Variants in ZFP1 observed in about 807,000 individuals in gnomAD.
The protein encoded by ZFP1 is ZFP1 zinc finger protein.
A neutral mutation model predicts 38.5 loss-of-function variants in ZFP1; 32 were observed. The observed-to-expected ratio is 0.83, with a 90% CI of 0.63 to 1.12. ZFP1 has a LOEUF of 1.12. Ranked by LOEUF, ZFP1 falls within the 50% of genes most tolerant of loss-of-function variation. The pLI is 0.00. For missense variants in ZFP1, 616 were observed against 480.8 expected (o/e 1.28, Z -2.63); for synonymous variants, 245 against 168.8 (o/e 1.45, Z -3.50).
At chr16:75,150,813 G>A (rs569315743) in intron 1 of ZFP1, among the ~76,000 whole-genome samples, 2 of 152,162 alleles carry the variant, frequency 1.3e-5, no homozygotes, top group Admixed American at 1.3e-4. Flanking sequence ...GCTGTTGATC[G>A]TAGAATCTTC....
chr16:75,165,699 G>A (rs1342310750), intron 2 of ZFP1, among the ~76,000 whole-genome samples: 1 of 151,988 alleles, frequency 6.6e-6, no homozygotes, highest in African/African-American at 2.4e-5. Context: ...TTTTAAATCA[G>A]TTTTGTTATA....
chr16:75,166,089 G>A lies in ZFP1; in HGVS notation c.16-681G>A, dbSNP rs543036975. Among the ~76,000 whole-genome samples, 5 of 152,264 alleles carry A rather than the reference G, an allele frequency of 3.3e-5. No homozygotes were observed. The South Asian group carries it at 1.0e-3, about 32-fold the overall frequency. ...ACTTGTACCTGGTATTTTACAGTTG[G>A]AAGTTCATCTTCTGCCTTAAAGAGT... On this transcript the variant is annotated intron_variant, in intron 2 of 3. Coordinates refer to ENST00000570010, the MANE Select transcript of ZFP1 (RefSeq NM_153688.4).
intron 2 of ZFP1, among the ~76,000 whole-genome samples, chr16:75,165,881 G>C (rs1241550321): frequency 6.6e-6 from 1 of 152,002 alleles, no homozygotes; most frequent in East Asian, 1.9e-4. Context: ...TTTTTAGCTT[G>C]TCCCACATAT....
intron 2 of ZFP1, among the ~76,000 whole-genome samples, chr16:75,166,272 G>T (rs148168766): frequency 5.8e-4 from 88 of 152,260 alleles, no homozygotes; most frequent in African/African-American, 2.1e-3. Flanking sequence ...TTACTCTGTT[G>T]CCCAGGCTGG....
chr16:75,156,106 A>G (rs1296922293), intron 2 of ZFP1, among the ~76,000 whole-genome samples: 1 of 152,188 alleles, frequency 6.6e-6, no homozygotes, highest in African/African-American at 2.4e-5. Context: ...ACTGGGAGCA[A>G]TGTGGCAACA....
intron 2 of ZFP1, among the ~76,000 whole-genome samples, chr16:75,154,096 C>T (rs536560696): frequency 3.5e-4 from 53 of 151,996 alleles, no homozygotes; most frequent in Non-Finnish European, 6.5e-4. Flanking sequence ...TGGTGGCGGG[C>T]GCCTGTAGTC....
At chr16:75,151,707 A>G (rs1382681662) in intron 1 of ZFP1, among the ~76,000 whole-genome samples, 1 of 152,196 alleles carries the variant, frequency 6.6e-6, no homozygotes, top group East Asian at 1.9e-4. Context: ...TTTGCTTTAG[A>G]TAATCTTTCA....
intron 2 of ZFP1, among the ~76,000 whole-genome samples, chr16:75,165,814 C>T (rs2038045570): frequency 6.6e-6 from 1 of 151,820 alleles, no homozygotes; most frequent in Non-Finnish European, 1.5e-5. Flanking sequence ...GCTGTTATCT[C>T]TTCAAATATT....
rs890122092 is a variant in ZFP1, at chr16:75,171,595, G to T, written c.*1261G>T. 6.6e-5 allele frequency: 10 copies of T among 152,110 alleles called. No homozygotes were observed. The highest frequency in any genetic ancestry group is 2.2e-4 in the African/African-American group (9 of 41,422). 9.4% of individuals were successfully genotyped at this position (152,110 alleles called of 1,614,324 possible). A position where few individuals can be genotyped will look rare whatever the true frequency, so the allele number is the denominator to read the frequency against. On this transcript the variant is annotated 3_prime_UTR_variant, in exon 4 of 4. Coordinates refer to ENST00000570010, the MANE Select transcript of ZFP1 (RefSeq NM_153688.4). ...GAATTGTTGTGTAACTCAAAGATTT[G>T]CTTTTATAGACTTGATTTCAAATTC...
At position 75,170,379 on chromosome 16, in the gene ZFP1, T is replaced by G. The variant is rs766120262; in HGVS notation, c.*45T>G. ...TGTGGAAAACTCCTGCCAGAACTCT[T>G]CAAGCGGGTGAAAAACCTCATGACA... On this transcript the variant is annotated 3_prime_UTR_variant, in exon 4 of 4. Transcript: ENST00000570010. The G allele has an allele frequency of 7.3e-6, 11 of 1,511,378 alleles. No individual in the cohort carries two copies. The Admixed American group carries it at 2.0e-4, about 28-fold the overall frequency. 93.6% of individuals were successfully genotyped at this position (1,511,378 alleles called of 1,614,324 possible).
intron 1 of ZFP1, among the ~76,000 whole-genome samples, chr16:75,151,336 T>C (rs1025229081): frequency 6.6e-6 from 1 of 152,238 alleles, no homozygotes; most frequent in African/African-American, 2.4e-5. Context: ...TTGGTGTGTT[T>C]ATGCCAATTA....
At chr16:75,129,677 C>T in the ZFP1 span, among the ~76,000 whole-genome samples, 1 of 152,180 alleles carries the variant, frequency 6.6e-6, no homozygotes, top group African/African-American at 2.4e-5. Context: ...TCTCATGTTT[C>T]CCTAAAATGT....
At chr16:75,150,233 G>C (rs974187994) in intron 1 of ZFP1, among the ~76,000 whole-genome samples, 12 of 134,734 alleles carry the variant, frequency 8.9e-5, no homozygotes, top group Admixed American at 1.6e-4. Context: ...TTTTGAGACA[G>C]AGTCTCGCTC....
intron 2 of ZFP1, among the ~76,000 whole-genome samples, chr16:75,164,862 A>G (rs1019848876): frequency 1.3e-5 from 2 of 152,046 alleles, no homozygotes; most frequent in Non-Finnish European, 2.9e-5. Context: ...ATGGAGTGCA[A>G]TGGCACGATC....
At position 75,166,897 on chromosome 16, in the gene ZFP1, G is replaced by A. The variant is rs2038118786; in HGVS notation, c.142+1G>A. The A allele has an allele frequency of 6.2e-7, 1 of 1,613,198 alleles. No individual in the cohort carries two copies. Among genetic ancestry groups the A allele is most frequent in the Non-Finnish European group, 8.5e-7 (1 of 1,179,296 alleles). On this transcript the variant is annotated splice_donor_variant, in intron 3 of 3. Coordinates refer to ENST00000570010, the MANE Select transcript of ZFP1 (RefSeq NM_153688.4). LOFTEE classifies it high-confidence loss of function. Reference sequence around the variant, plus strand: ...AATTATAGCAACTTACTTTCAGTGGGTAAGGACGGTTTTCAGGTACAGCTC... The same window carrying A: ...AATTATAGCAACTTACTTTCAGTGGATAAGGACGGTTTTCAGGTACAGCTC...
At chr16:75,156,348 T>G (rs901263650) in intron 2 of ZFP1, among the ~76,000 whole-genome samples, 1 of 152,072 alleles carries the variant, frequency 6.6e-6, no homozygotes, top group Admixed American at 6.5e-5. Context: ...TCCCAGCTAC[T>G]TCGGAGGCTA....
At position 75,170,292 on chromosome 16, in the gene ZFP1, A is replaced by G; in HGVS notation, c.1182A>G (p.Arg394=). The G allele has an allele frequency of 6.2e-7, 1 of 1,607,786 alleles. No homozygotes were observed. Among genetic ancestry groups the G allele is most frequent in the African/African-American group, 1.3e-5 (1 of 74,914 alleles). Residue 394 remains arginine, a synonymous_variant, in exon 4 of 4, where the codon CGA becomes CGG. Transcript: ENST00000570010. ...ECGKAFSRKS[R]LSVHQRVHIG... ...GGAAGGCCTTTAGCAGGAAGTCCCG[A>G]CTCAGTGTCCATCAGAGAGTTCACA...
chr16:75,131,938 C>A, the ZFP1 span, among the ~76,000 whole-genome samples: 1 of 150,328 alleles, frequency 6.7e-6, no homozygotes, highest in African/African-American at 2.5e-5. Context: ...GTACTCCAGC[C>A]GGGACGACAG....
chr16:75,168,379 A>T (rs1409591295), intron 3 of ZFP1, among the ~76,000 whole-genome samples: 1 of 151,936 alleles, frequency 6.6e-6, no homozygotes, highest in South Asian at 2.1e-4. Context: ...TCATGCCTGG[A>T]ATATTGAGAG....
Sources: gnomAD v4.1 joint callset for allele counts (sites outside exome capture counted in the v4.1 genomes callset) on GRCh38, gnomAD v4.1.1 for gene constraint, MANE v1.5 for transcripts, NCBI Gene and HGNC (gene_info 2026-07-23, HGNC 2026-07-21) for gene names.